Variants in SYNDIG1 observed in about 807,000 individuals in gnomAD.
SYNDIG1 encodes synapse differentiation inducing 1.
Under a neutral mutation model 19.4 loss-of-function variants are expected in SYNDIG1, and 9 were observed. The observed-to-expected ratio is 0.46, with a 90% CI of 0.28 to 0.81. The LOEUF (loss-of-function observed/expected upper bound fraction) is 0.81. Among genes scored for constraint, SYNDIG1 ranks in the 30% least tolerant of loss-of-function variants. The pLI, the probability that SYNDIG1 is intolerant of heterozygous loss-of-function variation, is 0.12. For missense variants in SYNDIG1, 311 were observed against 343.3 expected, an observed-to-expected ratio of 0.91 and a Z score of 0.74; for synonymous variants, 141 against 145.9, an observed-to-expected ratio of 0.97 and a Z score of 0.24.
At chr20:24,485,117 C>T (rs1397939668) in intron 1 of SYNDIG1, among the ~76,000 whole-genome samples, 3 of 152,196 alleles carry the variant, frequency 2.0e-5, no homozygotes, top group South Asian at 2.1e-4. Flanking sequence ...TACCAGAAGC[C>T]GGGGCCATGG....
At chr20:24,619,565 A>G (rs936372770) in intron 3 of SYNDIG1, among the ~76,000 whole-genome samples, 2 of 152,278 alleles carry the variant, frequency 1.3e-5, no homozygotes, top group Non-Finnish European at 2.9e-5. Context: ...TTTATGTGAC[A>G]TAAACAAGAG....
intron 1 of SYNDIG1, among the ~76,000 whole-genome samples, chr20:24,516,232 G>A (rs1463579117): frequency 6.6e-6 from 1 of 152,172 alleles, no homozygotes; most frequent in Non-Finnish European, 1.5e-5. Context: ...AAAAAGCCTA[G>A]AAGAAAACCT....
Position 24,665,472 on chromosome 20 carries a change from A to T in SYNDIG1, c.745A>T (p.Ile249Phe). 5.6e-6 allele frequency: 9 copies of T among 1,613,996 alleles called. No homozygotes were observed. The highest frequency in any genetic ancestry group is 7.6e-6 in the Non-Finnish European group (9 of 1,179,966). ...GVYVGVAVAL[I>F]AYLSKNNHL The stretch of plus-strand genomic sequence containing the variant: ...CTATGTGGGCGTGGCCGTGGCCCTC[A>T]TCGCCTACCTCTCCAAGAACAACCA... The change falls in exon 4 of 4, where the codon ATC becomes TTC. Residue 249 changes from isoleucine (I) to phenylalanine (F), a missense_variant. Physicochemically the swap from Ile to Phe is conservative, Grantham distance 21 (BLOSUM62 0). Coordinates refer to ENST00000376862, the MANE Select transcript of SYNDIG1 (RefSeq NM_024893.3).
At chr20:24,484,801 A>C (rs2055910562) in intron 1 of SYNDIG1, among the ~76,000 whole-genome samples, 1 of 152,226 alleles carries the variant, frequency 6.6e-6, no homozygotes, top group African/African-American at 2.4e-5. Flanking sequence ...GATTTTCTAG[A>C]GTGCTATGGC....
intron 2 of SYNDIG1, among the ~76,000 whole-genome samples, chr20:24,571,200 T>A (rs1372675623): frequency 2.6e-5 from 4 of 152,184 alleles, no homozygotes; most frequent in Non-Finnish European, 5.9e-5. Flanking sequence ...TTGGCATACA[T>A]CTATACATGC....
intron 3 of SYNDIG1, among the ~76,000 whole-genome samples, chr20:24,661,475 G>GAGGAGGGAAGAAAGAAGGAGGAGTTAGGA (rs1568723189): frequency 1.7e-5 from 2 of 117,500 alleles, no homozygotes; most frequent in Admixed American, 8.0e-5. Context: ...AGGAGGGAGG[G>GAGGAGGGAAGAAAGAAGGAGGAGTTAGGA]AAGAGGGAGG....
At chr20:24,491,044 C>T (rs1020162536) in intron 1 of SYNDIG1, among the ~76,000 whole-genome samples, 9 of 152,146 alleles carry the variant, frequency 5.9e-5, no homozygotes, top group Admixed American at 2.6e-4. Context: ...AGGTAAGGGT[C>T]GGCCTTTGAG....
At chr20:24,588,870 T>C (rs537313506) in intron 3 of SYNDIG1, among the ~76,000 whole-genome samples, 6 of 150,630 alleles carry the variant, frequency 4.0e-5, no homozygotes, top group Admixed American at 6.7e-5. Flanking sequence ...AAAGCCAACA[T>C]TGGTGAGCAG....
intron 3 of SYNDIG1, among the ~76,000 whole-genome samples, chr20:24,616,512 A>C (rs947084967): frequency 2.0e-5 from 3 of 152,260 alleles, no homozygotes; most frequent in African/African-American, 7.2e-5. Flanking sequence ...CTGGCAGTGA[A>C]AGGCCTGCCC....
intron 1 of SYNDIG1, among the ~76,000 whole-genome samples, chr20:24,512,124 T>G: frequency 8.0e-6 from 1 of 124,836 alleles, no homozygotes; most frequent in Non-Finnish European, 1.7e-5. Flanking sequence ...TATATATATA[T>G]ATATATATAT....
At chr20:24,647,941 T>C (rs1401759979) in intron 3 of SYNDIG1, among the ~76,000 whole-genome samples, 1 of 151,888 alleles carries the variant, frequency 6.6e-6, no homozygotes, top group Non-Finnish European at 1.5e-5. Context: ...ACGGTCAGGT[T>C]CTGGGGAGGG....
intron 2 of SYNDIG1, among the ~76,000 whole-genome samples, chr20:24,545,858 A>C (rs2057566383): frequency 6.6e-6 from 1 of 152,234 alleles, no homozygotes; most frequent in South Asian, 2.1e-4. Flanking sequence ...ACTCTGTATT[A>C]ATATTTCTAG....
chr20:24,517,584 A>T (rs1600499171), intron 1 of SYNDIG1, among the ~76,000 whole-genome samples: 1 of 145,224 alleles, frequency 6.9e-6, no homozygotes, highest in Non-Finnish European at 1.5e-5. Context: ...GCGCCACTGC[A>T]CTCCAGCCTG....
intron 3 of SYNDIG1, among the ~76,000 whole-genome samples, chr20:24,603,939 G>A (rs1413843771): frequency 6.6e-6 from 1 of 152,096 alleles, no homozygotes; most frequent in African/African-American, 2.4e-5. Flanking sequence ...GTCAACCTTT[G>A]CCTGACACAA....
chr20:24,479,259 C>A (rs1349991858), intron 1 of SYNDIG1, among the ~76,000 whole-genome samples: 1 of 152,140 alleles, frequency 6.6e-6, no homozygotes, highest in Non-Finnish European at 1.5e-5. Flanking sequence ...CTGATGGGTT[C>A]TTCCCGCTCC....
chr20:24,645,203 CTG>C (rs2059411889), intron 3 of SYNDIG1, among the ~76,000 whole-genome samples: 1 of 152,194 alleles, frequency 6.6e-6, no homozygotes, highest in African/African-American at 2.4e-5. Flanking sequence ...AGTGAGCCTC[CTG>C]TTGGAATGAG....
At chr20:24,566,834 G>A (rs751688045) in intron 2 of SYNDIG1, among the ~76,000 whole-genome samples, 3 of 152,202 alleles carry the variant, frequency 2.0e-5, no homozygotes, top group African/African-American at 7.2e-5. Flanking sequence ...AGGTTGGGGC[G>A]GGACTGAGAG....
intron 1 of SYNDIG1, among the ~76,000 whole-genome samples, chr20:24,492,461 G>A (rs1243723436): frequency 6.6e-6 from 1 of 152,162 alleles, no homozygotes; most frequent in Non-Finnish European, 1.5e-5. Flanking sequence ...AGTTTCAAAG[G>A]AAAAACAAAA....
rs1290081296 is a variant in SYNDIG1, at chr20:24,543,148, TGA to T, written c.52_53del (p.Asp18CysfsTer9). Reference protein sequence around the residue: ...KSMLVHSKISDAGKRNGLINT... With the variant: ...KSMLVHSKISXAGKRNGLINT... ...GCATGCTGGTGCACAGTAAAATCAGTGATGCTGGCAAGAGGAATGGTTTAATT... is the reference window on the plus strand; with the variant it reads ...GCATGCTGGTGCACAGTAAAATCAGTTGCTGGCAAGAGGAATGGTTTAATT... On this transcript the variant is annotated frameshift_variant, in exon 2 of 4. Transcript: ENST00000376862. LOFTEE classifies it high-confidence loss of function. The T allele has an allele frequency of 6.2e-7, 1 of 1,613,930 alleles. No individual in the cohort carries two copies. Among genetic ancestry groups the T allele is most frequent in the Non-Finnish European group, 8.5e-7 (1 of 1,180,026 alleles).
Sources: allele counts gnomAD v4.1 joint callset (sites outside exome capture counted in the v4.1 genomes callset), GRCh38; gene constraint gnomAD v4.1.1; transcripts MANE v1.5; gene names NCBI Gene and HGNC (gene_info 2026-07-23, HGNC 2026-07-21).